Variants in NKAIN3 observed in about 807,000 individuals in gnomAD.
The protein encoded by NKAIN3 is sodium/potassium-transporting ATPase subunit beta-1-interacting protein 3.
NKAIN3 carries 25 observed loss-of-function variants against 30.2 expected under a neutral mutation model. The ratio of observed to expected loss-of-function variants is 0.83; its 90% confidence interval spans 0.60 to 1.16. The LOEUF is 1.16. Among genes scored for constraint, NKAIN3 ranks in the 50% most tolerant of loss-of-function variants. NKAIN3 has a pLI of 0.00. For missense variants in NKAIN3, 225 were observed against 254.1 expected (o/e 0.89, Z 0.78); for synonymous variants, 91 against 89.6 (o/e 1.02, Z -0.09).
At chr8:62,907,454 AT>A (rs1821812531) in intron 4 of NKAIN3, among the ~76,000 whole-genome samples, 1 of 152,182 alleles carries the variant, frequency 6.6e-6, no homozygotes, top group East Asian at 1.9e-4. Flanking sequence ...TAGAAGCCAA[AT>A]GTTAATTGCT....
chr8:62,493,875 G>T (rs1028282465), intron 1 of NKAIN3, among the ~76,000 whole-genome samples: 1 of 152,078 alleles, frequency 6.6e-6, no homozygotes, highest in African/African-American at 2.4e-5. Flanking sequence ...CATTGATTTT[G>T]TATCCTGACA....
At chr8:62,871,058 A>T (rs1432886767) in intron 4 of NKAIN3, among the ~76,000 whole-genome samples, 2 of 152,046 alleles carry the variant, frequency 1.3e-5, no homozygotes, top group African/African-American at 4.8e-5. Context: ...TTATAATGTG[A>T]TGTTTTGATA....
At chr8:62,348,151 T>G (rs1816067111) in intron 1 of NKAIN3, among the ~76,000 whole-genome samples, 1 of 152,140 alleles carries the variant, frequency 6.6e-6, no homozygotes, top group South Asian at 2.1e-4. Context: ...CAGCTATCAA[T>G]TATTATGTGT....
At chr8:62,699,520 A>G (rs1814265838) in intron 3 of NKAIN3, among the ~76,000 whole-genome samples, 1 of 152,206 alleles carries the variant, frequency 6.6e-6, no homozygotes, top group South Asian at 2.1e-4. Context: ...ATGCTTCTAA[A>G]TATCTGCTTC....
intron 1 of NKAIN3, among the ~76,000 whole-genome samples, chr8:62,268,126 G>A (rs1053168400): frequency 2.6e-5 from 4 of 152,174 alleles, no homozygotes; most frequent in Non-Finnish European, 5.9e-5. Flanking sequence ...TTCAACAGTG[G>A]TAGGGCTCCC....
intron 1 of NKAIN3, among the ~76,000 whole-genome samples, chr8:62,579,298 T>C (rs1810217525): frequency 6.6e-6 from 1 of 152,036 alleles, no homozygotes; most frequent in African/African-American, 2.4e-5. Flanking sequence ...TACCTCTCAC[T>C]CTCCAGATAG....
intron 4 of NKAIN3, chr8:62,863,035 G>C: frequency 4.1e-6 from 3 of 727,744 alleles, no homozygotes; most frequent in Admixed American, 2.2e-5. Flanking sequence ...GCAAGGATGT[G>C]ACTATGGAGA....
chr8:62,424,342 T>C (rs1426859543), intron 1 of NKAIN3, among the ~76,000 whole-genome samples: 2 of 151,634 alleles, frequency 1.3e-5, no homozygotes, highest in Admixed American at 1.3e-4. Flanking sequence ...AGAAAACATT[T>C]AACAGAGTAA....
intron 1 of NKAIN3, among the ~76,000 whole-genome samples, chr8:62,510,659 G>C (rs574479333): frequency 6.6e-6 from 1 of 152,120 alleles, no homozygotes; most frequent in Non-Finnish European, 1.5e-5. Context: ...AAGTGAATAA[G>C]AATACAAAGA....
At chr8:62,589,294 T>C (rs1318935424) in intron 2 of NKAIN3, among the ~76,000 whole-genome samples, 1 of 151,858 alleles carries the variant, frequency 6.6e-6, no homozygotes, top group Admixed American at 6.6e-5. Flanking sequence ...TCTTCAAACA[T>C]GGTCTTCTTT....
intron 1 of NKAIN3, among the ~76,000 whole-genome samples, chr8:62,350,315 A>G (rs1020483373): frequency 6.6e-6 from 1 of 152,246 alleles, no homozygotes; most frequent in African/African-American, 2.4e-5. Context: ...AATACATGCA[A>G]CAACATGCAT....
At chr8:62,355,040 C>T (rs1484519373) in intron 1 of NKAIN3, among the ~76,000 whole-genome samples, 1 of 152,084 alleles carries the variant, frequency 6.6e-6, no homozygotes, top group Non-Finnish European at 1.5e-5. Context: ...GTTTGCTTTC[C>T]AAACACCTTC....
chr8:62,317,892 A>G (rs1814702982), intron 1 of NKAIN3, among the ~76,000 whole-genome samples: 1 of 152,180 alleles, frequency 6.6e-6, no homozygotes. Context: ...CACGATATTG[A>G]TTCTTCCTAC....
At chr8:62,927,175 C>T (rs1822475425) in intron 5 of NKAIN3, among the ~76,000 whole-genome samples, 1 of 152,028 alleles carries the variant, frequency 6.6e-6, no homozygotes, top group Non-Finnish European at 1.5e-5. Flanking sequence ...GCACTCCCTT[C>T]CTCACCCCCC....
chr8:62,346,187 A>G (rs1432129663), intron 1 of NKAIN3, among the ~76,000 whole-genome samples: 3 of 152,126 alleles, frequency 2.0e-5, no homozygotes, highest in Non-Finnish European at 4.4e-5. Context: ...CTAAAGTAAC[A>G]TATATTTCAA....
chr8:62,789,745 T>C (rs561980239), intron 4 of NKAIN3, among the ~76,000 whole-genome samples: 1 of 152,106 alleles, frequency 6.6e-6, no homozygotes, highest in Non-Finnish European at 1.5e-5. Flanking sequence ...ACATACACTC[T>C]CCCAAGACTA....
At position 62,747,110 on chromosome 8, in the gene NKAIN3, C is replaced by G; in HGVS notation, c.452C>G (p.Ala151Gly). Residue 151 changes from alanine to glycine, a missense_variant, in exon 4 of 7, where the codon GCT becomes GGT. Coordinates refer to ENST00000623646, the MANE Select transcript of NKAIN3 (RefSeq NM_001304533.3). ...CAGTACCTGGAGGTCATCCACAGTG[C>G]TGTCCAAATACTACTCTCTGTAAGT... is the stretch of plus-strand genomic sequence containing the variant. ...DFQYLEVIHS[A>G]VQILLSLVGF... The G allele has an allele frequency of 1.2e-6, 2 of 1,608,440 alleles. No homozygotes were observed. The highest frequency in any genetic ancestry group is 1.7e-6 in the Non-Finnish European group (2 of 1,174,946).
intron 4 of NKAIN3, among the ~76,000 whole-genome samples, chr8:62,893,528 G>A (rs1821349501): frequency 6.6e-6 from 1 of 152,178 alleles, no homozygotes; most frequent in Admixed American, 6.5e-5. Context: ...ATGGGCTATG[G>A]GCTGGACATA....
intron 4 of NKAIN3, among the ~76,000 whole-genome samples, chr8:62,904,862 T>C (rs77393048): frequency 0.013 from 2,010 of 152,224 alleles, 49 homozygotes; most frequent in African/African-American, 0.046. Flanking sequence ...ATAATCACCA[T>C]GCGAAATGTG....
Sources: gnomAD v4.1 joint callset for allele counts (sites outside exome capture counted in the v4.1 genomes callset) on GRCh38, gnomAD v4.1.1 for gene constraint, MANE v1.5 for transcripts, NCBI Gene and HGNC (gene_info 2026-07-23, HGNC 2026-07-21) for gene names.